SORCS2: variants seen among roughly 807,000 people sequenced by gnomAD.
The protein encoded by SORCS2 is VPS10 domain-containing receptor SorCS2.
SORCS2 carries 100 observed loss-of-function variants against 141.6 expected under a neutral mutation model. The observed-to-expected ratio is 0.71, with a 90% CI of 0.60 to 0.83. The LOEUF (loss-of-function observed/expected upper bound fraction) is 0.83. SORCS2 is among the 40% of genes least tolerant of loss of function. The probability of loss-of-function intolerance (pLI) is 0.00; values close to 1 mark genes in which losing one functional copy is unlikely to be tolerated. For missense variants in SORCS2, 1,646 were observed against 1,560.2 expected, an observed-to-expected ratio of 1.05 and a Z score of -0.93; for synonymous variants, 789 against 676.9, an observed-to-expected ratio of 1.17 and a Z score of -2.57.
chr4:7,699,199 C>G (rs1016643468), intron 12 of SORCS2, among the ~76,000 whole-genome samples: 2 of 152,166 alleles, frequency 1.3e-5, no homozygotes, highest in Non-Finnish European at 2.9e-5. Flanking sequence ...CTGCTCTCCC[C>G]ACCCGGCCCT....
At chr4:7,519,783 G>T (rs1440713656) in intron 2 of SORCS2, among the ~76,000 whole-genome samples, 1 of 152,200 alleles carries the variant, frequency 6.6e-6, no homozygotes, top group East Asian at 1.9e-4. Flanking sequence ...CTCAGCTCCT[G>T]CAGCTCCTTG....
intron 1 of SORCS2, among the ~76,000 whole-genome samples, chr4:7,292,216 C>T (rs1214155924): frequency 6.6e-6 from 1 of 152,106 alleles, no homozygotes; most frequent in Non-Finnish European, 1.5e-5. Context: ...GGAGGCTCCC[C>T]ACCATTCGCA....
At chr4:7,218,757 A>T (rs1728523054) in intron 1 of SORCS2, among the ~76,000 whole-genome samples, 1 of 152,240 alleles carries the variant, frequency 6.6e-6, no homozygotes, top group Non-Finnish European at 1.5e-5. Context: ...ATAACGATGA[A>T]TCCCGATAGG....
intron 2 of SORCS2, among the ~76,000 whole-genome samples, chr4:7,494,315 T>C (rs1025100547): frequency 3.9e-5 from 6 of 152,214 alleles, no homozygotes; most frequent in Non-Finnish European, 7.3e-5. Flanking sequence ...TTTCCATGTT[T>C]TAGTCCTTTA....
intron 1 of SORCS2, among the ~76,000 whole-genome samples, chr4:7,209,690 TTTA>T (rs1727951074): frequency 2.0e-5 from 3 of 152,036 alleles, no homozygotes; most frequent in South Asian, 2.1e-4. Flanking sequence ...TTTTTTTTTT[TTTA>T]ATCTTTTCAC....
Position 7,638,574 on chromosome 4 carries a change from C to T in SORCS2, c.813+82C>T, listed in dbSNP as rs1394547548. 3 of 1,432,488 alleles carry T rather than the reference C, an allele frequency of 2.1e-6. No individual in the cohort carries two copies. The Admixed American group carries it at 7.3e-5, about 35-fold the overall frequency. The allele number at this position is 1,432,488 out of a possible 1,614,324, so 88.7% of individuals were successfully genotyped here. On this transcript the variant is annotated intron_variant, in intron 4 of 26. Transcript: ENST00000507866. ...CCTGGAGGTGAGTGCCCACTTGGAG[C>T]AAGTGGGACCCGGAACCCCTGGGCT...
intron 1 of SORCS2, among the ~76,000 whole-genome samples, chr4:7,357,310 C>T (rs1203822655): frequency 6.6e-6 from 1 of 152,152 alleles, no homozygotes; most frequent in African/African-American, 2.4e-5. Context: ...ATGACCAGAT[C>T]GACATGACCA....
chr4:7,704,342 C>T, intron 14 of SORCS2, 58 bp downstream of exon 14: 1 of 1,455,006 alleles, frequency 6.9e-7, no homozygotes, highest in Non-Finnish European at 9.4e-7. Context: ...TGCTGGGCCT[C>T]CCTGGGCCTA....
chr4:7,341,726 C>G (rs1401632246), intron 1 of SORCS2, among the ~76,000 whole-genome samples: 1 of 152,174 alleles, frequency 6.6e-6, no homozygotes, highest in African/African-American at 2.4e-5. Context: ...AGCATACAAT[C>G]GATCATTTTG....
At chr4:7,352,583 T>C (rs1267387041) in intron 1 of SORCS2, among the ~76,000 whole-genome samples, 1 of 152,212 alleles carries the variant, frequency 6.6e-6, no homozygotes, top group Non-Finnish European at 1.5e-5. Flanking sequence ...AGATGTCTAG[T>C]GGGCTCTCGA....
At chr4:7,700,691 C>T (rs1725008244) in intron 12 of SORCS2, among the ~76,000 whole-genome samples, 1 of 152,210 alleles carries the variant, frequency 6.6e-6, no homozygotes. Flanking sequence ...ATGACAACTC[C>T]CCTGCCCCCG....
chr4:7,388,302 C>G (rs181434349), intron 1 of SORCS2, among the ~76,000 whole-genome samples: 68 of 152,322 alleles, frequency 4.5e-4, no homozygotes, highest in African/African-American at 1.5e-3. Flanking sequence ...TCCCCTCTGG[C>G]TGCTCTTGGT....
chr4:7,492,831 C>G (rs932150271), intron 2 of SORCS2, among the ~76,000 whole-genome samples: 1 of 152,228 alleles, frequency 6.6e-6, no homozygotes, highest in Admixed American at 6.5e-5. Flanking sequence ...GAAGAAGGTA[C>G]CATTTCCCGT....
chr4:7,714,216 C>T lies in SORCS2; in HGVS notation c.1990-24C>T, dbSNP rs1577107817. On this transcript the variant is annotated intron_variant, in intron 15 of 26. Transcript: ENST00000507866. ...GCAGTTGCCCTGTCTCAGGCAGCTC[C>T]TTACCCTGATGTTCCTGCTGCAGGG... is the stretch of plus-strand genomic sequence containing the variant. 9.3e-6 allele frequency: 15 copies of T among 1,604,858 alleles called. No homozygotes were observed. The East Asian group carries it at 3.4e-4, about 36-fold the overall frequency.
rs943470546 is a variant in SORCS2 at position 7,742,604 on chromosome 4, T to A, written c.*2340T>A. On this transcript the variant is annotated 3_prime_UTR_variant, in exon 27 of 27. Transcript: ENST00000507866. ...TCTGAGACAGCCTGATACGTTCCCGTCTGTGCACCCATGGAGATCCAGGCG... is the reference window on the plus strand; with the variant it reads ...TCTGAGACAGCCTGATACGTTCCCGACTGTGCACCCATGGAGATCCAGGCG... The A allele has an allele frequency of 6.6e-6, 1 of 152,142 alleles. No homozygotes were observed. Among genetic ancestry groups the A allele is most frequent in the Non-Finnish European group, 1.5e-5 (1 of 68,036 alleles). 9.4% of individuals were successfully genotyped at this position (152,142 alleles called of 1,614,324 possible).
Position 7,654,165 on chromosome 4 carries a change from G to A in SORCS2, c.845G>A (p.Trp282Ter), listed in dbSNP as rs1273904545. Residue 282 changes from tryptophan (W) to a stop codon, truncating the protein, a stop_gained, in exon 5 of 27, where the codon TGG (tryptophan) becomes TAG (stop). Transcript: ENST00000507866. LOFTEE classifies it high-confidence loss of function. ...GTGTCATCTGACTTGGGGAAAAAGT[G>A]GACACTTCTGCAAGAGCGAGTGACC... ...LYVSSDLGKK[W>*]TLLQERVTKD... is the part of the protein sequence containing the mutation. The A allele has an allele frequency of 6.3e-7, 1 of 1,583,562 alleles. No homozygotes were observed. Among genetic ancestry groups the A allele is most frequent in the Admixed American group, 1.8e-5 (1 of 55,294 alleles).
chr4:7,599,155 A>C (rs1577816380), intron 3 of SORCS2, among the ~76,000 whole-genome samples: 1 of 85,930 alleles, frequency 1.2e-5, no homozygotes, highest in East Asian at 3.2e-4. Flanking sequence ...GCCGCCCTGC[A>C]AGACGGCGGC....
At chr4:7,461,772 G>T (rs1729327343) in intron 2 of SORCS2, among the ~76,000 whole-genome samples, 1 of 152,050 alleles carries the variant, frequency 6.6e-6, no homozygotes, top group African/African-American at 2.4e-5. Flanking sequence ...CCCCTTCTTA[G>T]CTCCCCAACC....
intron 12 of SORCS2, among the ~76,000 whole-genome samples, chr4:7,697,711 G>A (rs1259392788): frequency 3.3e-5 from 5 of 151,664 alleles, no homozygotes; most frequent in Non-Finnish European, 7.4e-5. Context: ...GGCTACGGGG[G>A]ACTCCGGGTT....
Sources: gnomAD v4.1 joint callset for allele counts (sites outside exome capture counted in the v4.1 genomes callset) on GRCh38, gnomAD v4.1.1 for gene constraint, MANE v1.5 for transcripts, NCBI Gene and HGNC (gene_info 2026-07-23, HGNC 2026-07-21) for gene names.